MIS18BP1: variants seen among roughly 807,000 people sequenced by gnomAD.
MIS18BP1 encodes the protein MIS18 binding protein 1.
In MIS18BP1, 72 loss-of-function variants were observed where a neutral mutation model predicts 116.1. That is an observed-to-expected ratio of 0.62 (90% confidence interval 0.51 to 0.75). The LOEUF (loss-of-function observed/expected upper bound fraction) is 0.75, where lower values mean the gene tolerates loss of function less well. MIS18BP1 is among the 30% of genes least tolerant of loss of function. MIS18BP1 has a pLI of 0.00. For missense variants in MIS18BP1, 1,363 were observed against 1,303.2 expected (o/e 1.05, Z -0.71); for synonymous variants, 386 against 427.0 (o/e 0.90, Z 1.18).
chr14:45,247,310 G>A lies in MIS18BP1; in HGVS notation c.-24C>T, dbSNP rs779283516. ...ATCTTGACAAGAAAGTAGCAACCAAGTTCTTCTAACAGAAAATTCACTTAA... is the reference window on the plus strand; with the variant it reads ...ATCTTGACAAGAAAGTAGCAACCAAATTCTTCTAACAGAAAATTCACTTAA... On this transcript the variant is annotated 5_prime_UTR_variant, in exon 2 of 17. Transcript: ENST00000310806. 7.9e-6 allele frequency: 12 copies of A among 1,511,660 alleles called. No individual in the cohort carries two copies. The Admixed American group carries it at 2.8e-4, about 36-fold the overall frequency. 93.6% of individuals were successfully genotyped at this position (1,511,660 alleles called of 1,614,324 possible).
At chr14:45,216,304 T>C (rs932789098) in intron 13 of MIS18BP1, among the ~76,000 whole-genome samples, 3 of 152,198 alleles carry the variant, frequency 2.0e-5, no homozygotes, top group South Asian at 2.1e-4. Flanking sequence ...CCCACTGATG[T>C]ATGACTGTAT....
At chr14:45,216,134 GT>G (rs1343197195) in intron 13 of MIS18BP1, among the ~76,000 whole-genome samples, 2 of 152,266 alleles carry the variant, frequency 1.3e-5, no homozygotes, top group East Asian at 1.9e-4. Context: ...ATTGTTTCCA[GT>G]TTTTTGCTAT....
chr14:45,226,983 C>T (rs894860781), intron 9 of MIS18BP1, 147 bp from the exon 10 acceptor site: 11 of 532,960 alleles, frequency 2.1e-5, no homozygotes, highest in African/African-American at 1.8e-4. Context: ...CCGAAACTTA[C>T]TTGCCAGACC....
In MIS18BP1 at chr14:45,224,050, G is replaced by C; in HGVS notation, c.2537C>G (p.Ser846Cys). 1.2e-6 allele frequency: 2 copies of C among 1,613,758 alleles called. No homozygotes were observed. Among genetic ancestry groups the C allele is most frequent in the Non-Finnish European group, 8.5e-7 (1 of 1,179,944 alleles). ...RPSVKETLQK[S>C]GVRKEFPITE... ...AATTGGAAACTCTTTCCTAACACCAGACTTCTGAAGAGTTTCTTTGACGGA... is the reference window on the plus strand; with the variant it reads ...AATTGGAAACTCTTTCCTAACACCACACTTCTGAAGAGTTTCTTTGACGGA... The change falls in exon 11 of 17, where the codon TCT becomes TGT. Residue 846 changes from serine (S) to cysteine (C), a missense_variant. Physicochemically the swap from Ser to Cys is moderately radical, Grantham distance 112 (BLOSUM62 -1). Coordinates refer to ENST00000310806, the MANE Select transcript of MIS18BP1 (RefSeq NM_018353.5).
At position 45,227,810 on chromosome 14, in the gene MIS18BP1, C is replaced by T. The variant is rs1179869336; in HGVS notation, c.1599G>A (p.Leu533=). 2 of 1,613,260 alleles carry T rather than the reference C, an allele frequency of 1.2e-6. No individual in the cohort carries two copies. The highest frequency in any genetic ancestry group is 1.3e-5 in the African/African-American group (1 of 74,998). ...GTGACTCACTGTGCTTATTACTCTT[C>T]AGTTCTATGAATACAAAGATGGAGA... is the stretch of plus-strand genomic sequence containing the variant. ...TYDFDCDNLE[L]KSNKHSESPG... is the part of the protein sequence containing the mutation. Residue 533 remains leucine, a synonymous_variant, in exon 9 of 17, where the codon CTG becomes CTA. Transcript: ENST00000310806.
At position 45,217,058 on chromosome 14, in the gene MIS18BP1, A is replaced by C; in HGVS notation, c.2964T>G (p.Asp988Glu). 6.2e-7 allele frequency: 1 copy of C among 1,614,120 alleles called. No individual in the cohort carries two copies. The highest frequency in any genetic ancestry group is 2.2e-5 in the East Asian group (1 of 44,864). ...GCTGTAAAGGTGTTGTACTGAAAAA[A>C]TCATCATGGTCATCTTTTGGCAACT... ...LEQLPKDDHD[D>E]FFSTTPLQHQ... Residue 988 changes from aspartate to glutamate, a missense_variant, in exon 13 of 17, where the codon GAT becomes GAG. Physicochemically the swap from Asp to Glu is conservative, Grantham distance 45. Transcript: ENST00000310806.
rs146726407 is a variant in MIS18BP1 at position 45,210,680 on chromosome 14, A to G, written c.3004-152T>C. On this transcript the variant is annotated intron_variant, in intron 13 of 16. Transcript: ENST00000310806. ...AGTAGTACGTAGAGGAGTAGAGGCT[A>G]GAGGAACTCCATTTTAGATGCTAAT... 3 of 834,048 alleles carry G rather than the reference A, an allele frequency of 3.6e-6. No homozygotes were observed. In the African/African-American group the frequency reaches 5.2e-5, roughly 14 times the overall value. 51.7% of individuals were successfully genotyped at this position (834,048 alleles called of 1,614,324 possible).
chr14:45,250,999 T>A (rs1325164585), intron 1 of MIS18BP1, among the ~76,000 whole-genome samples: 1 of 132,300 alleles, frequency 7.6e-6, no homozygotes, highest in African/African-American at 3.0e-5. Context: ...ATCGCGCCAC[T>A]GCACTCCAGC....
intron 4 of MIS18BP1, among the ~76,000 whole-genome samples, chr14:45,239,053 T>C (rs1043073712): frequency 5.9e-5 from 9 of 152,200 alleles, no homozygotes; most frequent in African/African-American, 1.9e-4. Flanking sequence ...CTACCTGAGA[T>C]ATATCAACGC....
chr14:45,210,609 A>G (rs546591206), intron 13 of MIS18BP1, 81 bp from the exon 14 acceptor site: 15 of 1,533,896 alleles, frequency 9.8e-6, no homozygotes, highest in African/African-American at 2.8e-5. Flanking sequence ...TGGAGGACTG[A>G]TAAGTTGGTT....
At chr14:45,243,252 G>A (rs1451364225) in intron 2 of MIS18BP1, among the ~76,000 whole-genome samples, 1 of 152,078 alleles carries the variant, frequency 6.6e-6, no homozygotes, top group Non-Finnish European at 1.5e-5. Flanking sequence ...TGAAAATTCC[G>A]ATTCTGTTTC....
chr14:45,225,026 A>G (rs547078536), intron 10 of MIS18BP1, among the ~76,000 whole-genome samples: 2 of 152,234 alleles, frequency 1.3e-5, no homozygotes, highest in African/African-American at 4.8e-5. Flanking sequence ...CCTTCCACAT[A>G]GTTCCAATCT....
intron 2 of MIS18BP1, among the ~76,000 whole-genome samples, chr14:45,243,940 C>T (rs1004224664): frequency 2.0e-5 from 3 of 152,112 alleles, no homozygotes; most frequent in African/African-American, 7.2e-5. Flanking sequence ...CTCTCAAATG[C>T]TACCTTATTA....
chr14:45,242,246 C>G lies in MIS18BP1; in HGVS notation c.931G>C (p.Glu311Gln). Residue 311 changes from glutamate to glutamine, a missense_variant, in exon 4 of 17, where the codon GAA becomes CAA. By Grantham distance (29) the Glu-to-Gln change is conservative (BLOSUM62 2). Coordinates refer to ENST00000310806, the MANE Select transcript of MIS18BP1 (RefSeq NM_018353.5). The stretch of plus-strand genomic sequence containing the variant: ...TTAACTTTCTGTTGCGAAGTCCCTT[C>G]TGTTGTCCTCTCACTATCAGAAACC... ...LMVSDSERTT[E>Q]GTSQQKVKEG... The G allele has an allele frequency of 6.2e-7, 1 of 1,614,120 alleles. No individual in the cohort carries two copies. The highest frequency in any genetic ancestry group is 2.2e-5 in the East Asian group (1 of 44,864).
intron 11 of MIS18BP1, among the ~76,000 whole-genome samples, chr14:45,223,251 G>A (rs950351186): frequency 3.9e-5 from 6 of 152,152 alleles, no homozygotes; most frequent in Middle Eastern, 6.8e-3. Context: ...GTATCCTTGA[G>A]TCTCACTTGT....
At chr14:45,234,810 A>G (rs1025230381) in intron 6 of MIS18BP1, among the ~76,000 whole-genome samples, 1 of 152,232 alleles carries the variant, frequency 6.6e-6, no homozygotes, top group Non-Finnish European at 1.5e-5. Context: ...AGGTTACACC[A>G]GGACTGGGGT....
At chr14:45,223,635 T>C (rs1891035533) in intron 11 of MIS18BP1, among the ~76,000 whole-genome samples, 2 of 152,160 alleles carry the variant, frequency 1.3e-5, no homozygotes, top group African/African-American at 2.4e-5. Context: ...TGAAGCTACG[T>C]GAGAGAGTAC....
chr14:45,236,023 C>G, intron 5 of MIS18BP1, 79 bp from the exon 6 acceptor site: 2 of 1,261,846 alleles, frequency 1.6e-6, no homozygotes, highest in South Asian at 2.7e-5. Context: ...TACACTTTAG[C>G]TACAGCAACA....
chr14:45,208,468 G>A (rs1566800867), intron 14 of MIS18BP1, among the ~76,000 whole-genome samples: 1 of 151,722 alleles, frequency 6.6e-6, no homozygotes, highest in South Asian at 2.1e-4. Flanking sequence ...GAGTAGCTAG[G>A]ATTACAGACA....
Sources: gnomAD v4.1 joint callset for allele counts (sites outside exome capture counted in the v4.1 genomes callset) on GRCh38, gnomAD v4.1.1 for gene constraint, MANE v1.5 for transcripts, NCBI Gene and HGNC (gene_info 2026-07-23, HGNC 2026-07-21) for gene names.